Variants in KCNH7 observed in about 807,000 individuals in gnomAD.
KCNH7 encodes potassium voltage-gated channel subfamily H member 7, also known as voltage-gated inwardly rectifying potassium channel KCNH7.
Under a neutral mutation model 120.8 loss-of-function variants are expected in KCNH7, and 49 were observed. The observed-to-expected ratio is 0.41, with a 90% CI of 0.32 to 0.51. The LOEUF is 0.51. KCNH7 is among the 20% of genes least tolerant of loss of function. The probability of loss-of-function intolerance (pLI) is 0.38; values close to 1 mark genes in which losing one functional copy is unlikely to be tolerated. For synonymous variants in KCNH7, 547 were observed against 516.1 expected, an observed-to-expected ratio of 1.06 and a Z score of -0.81; for missense variants, 1,097 against 1,446.6, an observed-to-expected ratio of 0.76 and a Z score of 3.92.
chr2:162,674,968 T>C (rs1685484284), intron 2 of KCNH7, among the ~76,000 whole-genome samples: 1 of 151,602 alleles, frequency 6.6e-6, no homozygotes, highest in South Asian at 2.1e-4. Context: ...ATTCTTATAA[T>C]ACACACCTTT....
At chr2:162,472,351 C>T (rs1689574196) in intron 6 of KCNH7, among the ~76,000 whole-genome samples, 1 of 152,052 alleles carries the variant, frequency 6.6e-6, no homozygotes, top group East Asian at 1.9e-4. Flanking sequence ...TGACAAAGGG[C>T]TAATACCCAG....
chr2:162,493,079 T>C (rs1446674196), intron 6 of KCNH7, among the ~76,000 whole-genome samples: 1 of 152,088 alleles, frequency 6.6e-6, no homozygotes, highest in East Asian at 1.9e-4. Flanking sequence ...CCCCAGGAAT[T>C]AAAAGCAAAT....
chr2:162,442,450 T>C (rs899976673), intron 7 of KCNH7, among the ~76,000 whole-genome samples: 1 of 152,174 alleles, frequency 6.6e-6, no homozygotes. Flanking sequence ...TGAATGTAAA[T>C]AAAAGTGTTA....
At chr2:162,745,932 T>C (rs1688300259) in intron 2 of KCNH7, among the ~76,000 whole-genome samples, 2 of 151,988 alleles carry the variant, frequency 1.3e-5, no homozygotes, top group Non-Finnish European at 2.9e-5. Flanking sequence ...TAAGCCAAAG[T>C]TTGCTACCTC....
intron 2 of KCNH7, among the ~76,000 whole-genome samples, chr2:162,774,878 T>C (rs771645404): frequency 7.2e-5 from 11 of 152,284 alleles, no homozygotes; most frequent in Non-Finnish European, 1.3e-4. Context: ...CAATTAATAA[T>C]GATATTAATT....
At chr2:162,771,909 C>G (rs1038597050) in intron 2 of KCNH7, 4 of 152,152 alleles carry the variant, frequency 2.6e-5, no homozygotes, top group Non-Finnish European at 4.4e-5. Context: ...TGAAAGAACA[C>G]AATCCCTTTC....
chr2:162,736,060 T>C (rs939079082), intron 2 of KCNH7, among the ~76,000 whole-genome samples: 1 of 152,048 alleles, frequency 6.6e-6, no homozygotes, highest in Non-Finnish European at 1.5e-5. Context: ...TAATAATACA[T>C]ATAATAAAAA....
chr2:162,668,828 A>G (rs1269220686), intron 2 of KCNH7, among the ~76,000 whole-genome samples: 1 of 152,226 alleles, frequency 6.6e-6, no homozygotes, highest in Non-Finnish European at 1.5e-5. Flanking sequence ...TTACAAATGT[A>G]AAAACCATCG....
At chr2:162,654,603 C>G (rs993534809) in intron 2 of KCNH7, among the ~76,000 whole-genome samples, 1 of 152,050 alleles carries the variant, frequency 6.6e-6, no homozygotes, top group Admixed American at 6.6e-5. Flanking sequence ...CTTCAAACAA[C>G]TAAAAGTAGA....
At chr2:162,767,027 T>A (rs890071605) in intron 2 of KCNH7, among the ~76,000 whole-genome samples, 5 of 152,080 alleles carry the variant, frequency 3.3e-5, no homozygotes, top group Admixed American at 3.3e-4. Context: ...TTATAAAGAG[T>A]TTATGAAGAG....
chr2:162,470,638 C>A (rs56811376), intron 6 of KCNH7, among the ~76,000 whole-genome samples: 2 of 151,368 alleles, frequency 1.3e-5, no homozygotes, highest in East Asian at 2.0e-4. Flanking sequence ...GTCAGCCCCC[C>A]GCCCGGCCAG....
In KCNH7 at chr2:162,441,994, GTCT is replaced by G. The variant is rs1237041122; in HGVS notation, c.1554+4021_1554+4023del. ...TGTGAGAAAAAAATTAAATAGTTAG[GTCT>G]TCTTTTTTTTTTTTTTTTTTTTTTT... On this transcript the variant is annotated intron_variant, in intron 7 of 15. Transcript: ENST00000332142. Among the ~76,000 whole-genome samples the G allele has an allele frequency of 6.0e-3, 278 of 46,522 alleles. 1 individual carries two copies. Among genetic ancestry groups the G allele is most frequent in the Non-Finnish European group, 0.012 (212 of 17,014 alleles). The allele number at this position is 46,522 out of a possible 152,430, so 30.5% of individuals were successfully genotyped here.
intron 3 of KCNH7, among the ~76,000 whole-genome samples, chr2:162,535,249 A>G (rs1195388439): frequency 6.6e-6 from 1 of 151,774 alleles, no homozygotes; most frequent in Admixed American, 6.6e-5. Flanking sequence ...CATTTTGACA[A>G]GAGAAAACTA....
chr2:162,396,715 AC>A (rs1282058288), intron 11 of KCNH7, 24 bp downstream of exon 11: 1 of 1,514,462 alleles, frequency 6.6e-7, no homozygotes, highest in Middle Eastern at 1.7e-4. Flanking sequence ...AGAAATACAG[AC>A]ATAAGCAAAC....
chr2:162,455,734 T>G (rs1486233322), intron 6 of KCNH7, among the ~76,000 whole-genome samples: 12 of 152,170 alleles, frequency 7.9e-5, no homozygotes, highest in Admixed American at 7.2e-4. Context: ...TAGAGGTGTT[T>G]ATATTATTCT....
intron 2 of KCNH7, 149 bp downstream of exon 2, chr2:162,836,388 T>A: frequency 1.6e-6 from 1 of 630,232 alleles, no homozygotes; most frequent in East Asian, 2.7e-5. Flanking sequence ...CTAATCAGAA[T>A]ACCCATATAT....
At chr2:162,741,059 T>G (rs1185278538) in intron 2 of KCNH7, among the ~76,000 whole-genome samples, 1 of 152,166 alleles carries the variant, frequency 6.6e-6, no homozygotes, top group East Asian at 1.9e-4. Context: ...ATTGACTAAC[T>G]GTTATGCAGA....
intron 3 of KCNH7, among the ~76,000 whole-genome samples, chr2:162,525,397 C>T (rs954476532): frequency 5.3e-5 from 8 of 151,792 alleles, no homozygotes; most frequent in Admixed American, 2.0e-4. Flanking sequence ...TGGGTCATCA[C>T]AAGAGCAAAG....
At chr2:162,793,528 G>T (rs545647819) in intron 2 of KCNH7, among the ~76,000 whole-genome samples, 6 of 151,770 alleles carry the variant, frequency 4.0e-5, no homozygotes, top group Admixed American at 2.0e-4. Flanking sequence ...TTTAACCAAA[G>T]AGGTAAAAAG....
Sources: allele counts gnomAD v4.1 joint callset (sites outside exome capture counted in the v4.1 genomes callset), GRCh38; gene constraint gnomAD v4.1.1; transcripts MANE v1.5; gene names NCBI Gene and HGNC (gene_info 2026-07-23, HGNC 2026-07-21).